Variants in ZNF517 observed in about 807,000 individuals in gnomAD.
The protein encoded by ZNF517 is zinc finger protein 517.
In ZNF517, 12 loss-of-function variants were observed where a neutral mutation model predicts 12.1. The ratio of observed to expected loss-of-function variants is 0.99; its 90% confidence interval spans 0.63 to 1.61. ZNF517 has a LOEUF of 1.61. Ranked by LOEUF, ZNF517 falls within the 40% of genes most tolerant of loss-of-function variation. ZNF517 has a pLI of 0.00. For synonymous variants in ZNF517, 388 were observed against 310.2 expected, an observed-to-expected ratio of 1.25 and a Z score of -2.63; for missense variants, 781 against 693.2, an observed-to-expected ratio of 1.13 and a Z score of -1.42.
chr8:144,812,614 C>T (rs1255072150), downstream of ZNF517, among the ~76,000 whole-genome samples: 1 of 152,342 alleles, frequency 6.6e-6, no homozygotes, highest in East Asian at 1.9e-4. Context: ...GGGGGGATTC[C>T]GTGTCTCACC....
chr8:144,808,787 C>T lies in ZNF517; in HGVS notation c.*392C>T, dbSNP rs1827431422. 5.9e-6 allele frequency: 1 copy of T among 169,140 alleles called. No individual in the cohort carries two copies. Among genetic ancestry groups the T allele is most frequent in the Non-Finnish European group, 1.3e-5 (1 of 79,718 alleles). 10.5% of individuals were successfully genotyped at this position (169,140 alleles called of 1,614,324 possible). On this transcript the variant is annotated 3_prime_UTR_variant, in exon 5 of 5. Transcript: ENST00000359971. The stretch of plus-strand genomic sequence containing the variant: ...TGCAGAACCATTGGGCACAGCCAGG[C>T]CTTAGCGCCAGGCTCCGTGTGGCGG...
rs1827038383 is a variant in ZNF517 at position 144,802,931 on chromosome 8, CG to C, written c.18del (p.Met7CysfsTer20). 1 of 1,613,756 alleles carries C rather than the reference CG, an allele frequency of 6.2e-7. No individual in the cohort carries two copies. The highest frequency in any genetic ancestry group is 1.3e-5 in the African/African-American group (1 of 74,888). ...GACCCTGGAATGGCGATGGCACTCCCGATGCCTGGACCTCAGGTGAGCACCC... is the reference window on the plus strand; with the variant it reads ...GACCCTGGAATGGCGATGGCACTCCCATGCCTGGACCTCAGGTGAGCACCC... MAMAL[P>X]MPGPQEAVVF... On this transcript the variant is annotated frameshift_variant, in exon 2 of 5. Transcript: ENST00000359971. LOFTEE classifies it high-confidence loss of function.
chr8:144,813,315 CAAAAAAAA>C (rs55851018), downstream of ZNF517, among the ~76,000 whole-genome samples: 1 of 103,924 alleles, frequency 9.6e-6, no homozygotes, highest in Non-Finnish European at 1.9e-5. Context: ...GACTCTGTCT[CAAAAAAAA>C]AAAAAAAAAA....
Position 144,808,350 on chromosome 8 carries a change from CG to C in ZNF517, c.1438del (p.Glu480ArgfsTer34). Reference sequence around the variant, plus strand: ...ACCAGAAGGTGCACGGCCGCGAGCCCGGGGAGGACACAGAGGGCAGGCGGGC... The same window carrying C: ...ACCAGAAGGTGCACGGCCGCGAGCCCGGGAGGACACAGAGGGCAGGCGGGC... ...QHQKVHGREP[G>X]EDTEGRRAPC... On this transcript the variant is annotated frameshift_variant, in exon 5 of 5. Coordinates refer to ENST00000359971, the MANE Select transcript of ZNF517 (RefSeq NM_213605.3). LOFTEE classifies it low-confidence loss of function (END_TRUNC). 1.4e-6 allele frequency: 2 copies of C among 1,473,376 alleles called. No homozygotes were observed. The highest frequency in any genetic ancestry group is 2.5e-5 in the East Asian group (1 of 40,572). The allele number at this position is 1,473,376 out of a possible 1,614,324, so 91.3% of individuals were successfully genotyped here.
intron 1 of ZNF517, among the ~76,000 whole-genome samples, chr8:144,799,886 G>C (rs1242603469): frequency 6.6e-6 from 1 of 152,242 alleles, no homozygotes; most frequent in East Asian, 1.9e-4. Flanking sequence ...CTTGCAGTGA[G>C]CCGAGATCGC....
chr8:144,812,575 C>T (rs558423509), downstream of ZNF517, among the ~76,000 whole-genome samples: 19 of 152,334 alleles, frequency 1.2e-4, no homozygotes, highest in Admixed American at 1.0e-3. Flanking sequence ...CATCCTCTTT[C>T]GGGGCATTTC....
intron 4 of ZNF517, 116 bp downstream of exon 4, chr8:144,804,354 G>T: frequency 1.5e-6 from 1 of 679,286 alleles, no homozygotes; most frequent in Non-Finnish European, 2.4e-6. Flanking sequence ...GCTCCTCACA[G>T]CAGGGCCAGA....
At chr8:144,802,834 TG>T in intron 1 of ZNF517, 35 bp from the exon 2 acceptor site, 1 of 1,611,322 alleles carries the variant, frequency 6.2e-7, no homozygotes. Context: ...GCCTTAGGCC[TG>T]GGCTCTTTCC....
At chr8:144,806,121 G>C (rs536462473) in intron 4 of ZNF517, among the ~76,000 whole-genome samples, 1 of 152,316 alleles carries the variant, frequency 6.6e-6, no homozygotes, top group South Asian at 2.1e-4. Flanking sequence ...AGGTTGCTTT[G>C]GTTTCCTGGT....
rs748973953 is a variant in ZNF517 at position 144,808,193 on chromosome 8, G to A, written c.1277G>A (p.Cys426Tyr). Residue 426 changes from cysteine to tyrosine, a missense_variant, in exon 5 of 5, where the codon TGC (cysteine) becomes TAC (tyrosine). By Grantham distance (194) the Cys-to-Tyr change is radical (BLOSUM62 -2). Coordinates refer to ENST00000359971, the MANE Select transcript of ZNF517 (RefSeq NM_213605.3). ...KIHTKEKPFA[C>Y]TECGKAFRRS... ...CACACCAAGGAGAAGCCCTTCGCGT[G>A]CACCGAGTGCGGCAAGGCGTTCCGC... 1 of 1,609,730 alleles carries A rather than the reference G, an allele frequency of 6.2e-7. No homozygotes were observed. The highest frequency in any genetic ancestry group is 1.1e-5 in the South Asian group (1 of 90,764).
rs1827465073 is a variant in ZNF517, at chr8:144,809,329, T to A, written c.*934T>A. ...CCTTAGCCTCCTGAGTAGCTGGGACTAAGGCACACACACTGTACTTGGCAG... is the reference window on the plus strand; with the variant it reads ...CCTTAGCCTCCTGAGTAGCTGGGACAAAGGCACACACACTGTACTTGGCAG... On this transcript the variant is annotated 3_prime_UTR_variant, in exon 5 of 5. Coordinates refer to ENST00000359971, the MANE Select transcript of ZNF517 (RefSeq NM_213605.3). 6.6e-6 allele frequency: 1 copy of A among 151,974 alleles called. No individual in the cohort carries two copies. The highest frequency in any genetic ancestry group is 1.5e-5 in the Non-Finnish European group (1 of 68,084). 9.4% of individuals were successfully genotyped at this position (151,974 alleles called of 1,614,324 possible). A position where few individuals can be genotyped will look rare whatever the true frequency, so the allele number is the denominator to read the frequency against.
intron 4 of ZNF517, among the ~76,000 whole-genome samples, chr8:144,806,829 C>T (rs558647125): frequency 1.3e-5 from 2 of 152,274 alleles, no homozygotes; most frequent in African/African-American, 4.8e-5. Flanking sequence ...TCTCAAACCT[C>T]CCTACACGTC....
intron 3 of ZNF517, 132 bp downstream of exon 3, chr8:144,803,899 TCTCTGCTTCCTGTTGGGCAC>T (rs1827094355): frequency 1.5e-6 from 2 of 1,365,764 alleles, no homozygotes; most frequent in Non-Finnish European, 2.0e-6. Context: ...AAGGAGCCCC[TCTCTGCTTCCTGTTGGGCAC>T]CCACTGCCAG....
At chr8:144,812,999 AC>A (rs1423927693), downstream of ZNF517, among the ~76,000 whole-genome samples, 2 of 152,102 alleles carry the variant, frequency 1.3e-5, no homozygotes, top group African/African-American at 4.8e-5. Flanking sequence ...AGCTACCAAA[AC>A]CAAAAAACAA....
At chr8:144,801,744 G>A (rs1826973077) in intron 1 of ZNF517, among the ~76,000 whole-genome samples, 1 of 152,128 alleles carries the variant, frequency 6.6e-6, no homozygotes, top group Admixed American at 6.5e-5. Context: ...TAGAAAAATA[G>A]AAAGAGGCCG....
Position 144,809,775 on chromosome 8 carries a change from G to A in ZNF517, c.*1380G>A, listed in dbSNP as rs2130472290. ...CCTAATAAATCCCCTCTCCTGGCCG[G>A]GCGCGGTAGCTCTCCCCTGTAATCT... On this transcript the variant is annotated 3_prime_UTR_variant, in exon 5 of 5. Transcript: ENST00000359971. The A allele has an allele frequency of 6.0e-6, 1 of 167,042 alleles. No homozygotes were observed. Among genetic ancestry groups the A allele is most frequent in the South Asian group, 1.9e-4 (1 of 5,160 alleles). The allele number at this position is 167,042 out of a possible 1,614,324, so 10.3% of individuals were successfully genotyped here. A position where few individuals can be genotyped will look rare whatever the true frequency, so the allele number is the denominator to read the frequency against.
intron 4 of ZNF517, among the ~76,000 whole-genome samples, chr8:144,805,537 A>T (rs933496769): frequency 9.2e-5 from 14 of 151,542 alleles, no homozygotes; most frequent in African/African-American, 3.4e-4. Flanking sequence ...TCACCGTGTG[A>T]GCCAGGATGG....
intron 4 of ZNF517, among the ~76,000 whole-genome samples, chr8:144,805,845 C>T (rs1057004498): frequency 6.6e-6 from 1 of 151,422 alleles, no homozygotes; most frequent in African/African-American, 2.4e-5. Context: ...TGGTCTCGAT[C>T]TCCTGACCTT....
At position 144,808,075 on chromosome 8, in the gene ZNF517, C is replaced by T. The variant is rs1430361683; in HGVS notation, c.1159C>T (p.Leu387=). 6 of 1,610,418 alleles carry T rather than the reference C, an allele frequency of 3.7e-6. No homozygotes were observed. The Admixed American group carries it at 5.0e-5, about 13-fold the overall frequency. The change falls in exon 5 of 5, where the codon CTG becomes TTG. Residue 387 remains leucine (L), a synonymous_variant. Coordinates refer to ENST00000359971, the MANE Select transcript of ZNF517 (RefSeq NM_213605.3). ...ACACAACTCCCTGCTGCTGCTGCAC[C>T]TGCGCCTACACACGGGCGAGAAGCC... The part of the protein sequence containing the change: ...FRHNSLLLLH[L]RLHTGEKPFE...
Sources: allele counts gnomAD v4.1 joint callset (sites outside exome capture counted in the v4.1 genomes callset), GRCh38; gene constraint gnomAD v4.1.1; transcripts MANE v1.5; gene names NCBI Gene and HGNC (gene_info 2026-07-23, HGNC 2026-07-21).